TASOR: variants seen among roughly 807,000 people sequenced by gnomAD.
The protein encoded by TASOR is protein TASOR.
Under a neutral mutation model 178.6 loss-of-function variants are expected in TASOR, and 53 were observed. The observed-to-expected ratio is 0.30, with a 90% CI of 0.24 to 0.37. The LOEUF is 0.37. Ranked by LOEUF, TASOR falls within the 10% of genes least tolerant of loss-of-function variation. The pLI is 1.00. For synonymous variants in TASOR, 713 were observed against 696.2 expected (o/e 1.02, Z -0.38); for missense variants, 1,815 against 1,971.4 (o/e 0.92, Z 1.50).
chr3:56,661,069 G>T, intron 9 of TASOR, 52 bp from the exon 10 acceptor site: 2 of 1,247,106 alleles, frequency 1.6e-6, no homozygotes, highest in Admixed American at 2.0e-5. Flanking sequence ...TTCAACTCTA[G>T]CAATCTTAAC....
intron 17 of TASOR, among the ~76,000 whole-genome samples, chr3:56,637,490 C>T (rs762763751): frequency 4.0e-5 from 6 of 151,788 alleles, no homozygotes; most frequent in Non-Finnish European, 8.8e-5. Context: ...CATTGCACTC[C>T]AGCCTGGGTG....
At chr3:56,640,241 G>A (rs2077094570) in intron 15 of TASOR, 111 bp from the exon 16 acceptor site, 1 of 884,516 alleles carries the variant, frequency 1.1e-6, no homozygotes, top group East Asian at 2.7e-5. Flanking sequence ...CATTACAAAT[G>A]CGTAAAATCA....
chr3:56,625,857 T>C (rs948475374), intron 21 of TASOR, among the ~76,000 whole-genome samples: 5 of 151,974 alleles, frequency 3.3e-5, no homozygotes, highest in Admixed American at 2.0e-4. Flanking sequence ...CTCCTGACCT[T>C]GTGATCCACC....
intron 11 of TASOR, 74 bp from the exon 12 acceptor site, chr3:56,649,131 TCTA>T: frequency 5.4e-6 from 6 of 1,106,150 alleles, no homozygotes; most frequent in Admixed American, 2.8e-5. Flanking sequence ...CACAGCATTT[TCTA>T]CTAATTGTAA....
intron 15 of TASOR, 132 bp downstream of exon 15, chr3:56,641,217 A>G: frequency 1.3e-6 from 1 of 799,698 alleles, no homozygotes; most frequent in African/African-American, 1.7e-5. Flanking sequence ...ACCATCCTAG[A>G]CAGGCACCTT....
intron 18 of TASOR, among the ~76,000 whole-genome samples, chr3:56,632,432 G>A (rs977910693): frequency 7.3e-5 from 11 of 151,632 alleles, no homozygotes; most frequent in Admixed American, 4.6e-4. Context: ...CCGAGATCAC[G>A]CCACTGCACT....
chr3:56,657,143 C>T (rs1396233222), intron 11 of TASOR, among the ~76,000 whole-genome samples: 1 of 151,938 alleles, frequency 6.6e-6, no homozygotes, highest in African/African-American at 2.4e-5. Context: ...GCCTGGCCTA[C>T]ATGGTGAAAC....
intron 11 of TASOR, among the ~76,000 whole-genome samples, chr3:56,650,098 T>G (rs2077319180): frequency 6.6e-6 from 1 of 152,168 alleles, no homozygotes; most frequent in Non-Finnish European, 1.5e-5. Flanking sequence ...AGAATTTATT[T>G]CAGGGGCTAC....
intron 17 of TASOR, among the ~76,000 whole-genome samples, chr3:56,634,982 T>C (rs75830054): frequency 0.19 from 28,174 of 152,182 alleles, 3,435 homozygotes; most frequent in South Asian, 0.41. Context: ...CGCTAAAAAA[T>C]TACTGTTTTT....
chr3:56,669,915 A>G (rs1429663890), intron 4 of TASOR, 124 bp from the exon 5 acceptor site: 3 of 892,596 alleles, frequency 3.4e-6, no homozygotes, highest in African/African-American at 3.4e-5. Context: ...GAAACAAAAG[A>G]TAAAACTGAT....
At chr3:56,625,355 C>A (rs746487910) in intron 21 of TASOR, among the ~76,000 whole-genome samples, 8 of 152,150 alleles carry the variant, frequency 5.3e-5, no homozygotes, top group African/African-American at 9.7e-5. Context: ...CTTCAAAAAA[C>A]ACAATATATG....
chr3:56,656,077 A>G (rs2077462172), intron 11 of TASOR, among the ~76,000 whole-genome samples: 1 of 152,226 alleles, frequency 6.6e-6, no homozygotes. Context: ...AAACTACAGA[A>G]AGCAAAACCA....
At chr3:56,678,177 A>ATTTTTTTTT (rs533306611) in intron 1 of TASOR, among the ~76,000 whole-genome samples, 30 of 106,954 alleles carry the variant, frequency 2.8e-4, no homozygotes, top group East Asian at 5.9e-4. Context: ...CACACTTATG[A>ATTTTTTTTT]TTTTTTTTTT....
chr3:56,648,524 A>T (rs559194301), intron 13 of TASOR, among the ~76,000 whole-genome samples: 1 of 150,732 alleles, frequency 6.6e-6, no homozygotes, highest in African/African-American at 2.4e-5. Context: ...CCAGCTACTC[A>T]GGAGGCTGAG....
chr3:56,656,630 A>C (rs891102536), intron 11 of TASOR, among the ~76,000 whole-genome samples: 1 of 152,060 alleles, frequency 6.6e-6, no homozygotes, highest in African/African-American at 2.4e-5. Flanking sequence ...ACTATTTACA[A>C]AAGCATCAAA....
rs563723117 is a variant in TASOR, at chr3:56,621,893, T to C, written c.*1144A>G. On this transcript the variant is annotated 3_prime_UTR_variant, in exon 24 of 24. Coordinates refer to ENST00000683822, the MANE Select transcript of TASOR (RefSeq NM_001365635.2). The stretch of plus-strand genomic sequence containing the variant: ...ATTGAAGCCCTATAAAAACACTTTC[T>C]ACTTACCTTAATATAGTCTGGCGTT... The C allele has an allele frequency of 5.2e-6, 1 of 193,708 alleles. No individual in the cohort carries two copies. Among genetic ancestry groups the C allele is most frequent in the African/African-American group, 2.3e-5 (1 of 42,786 alleles). 12.0% of individuals were successfully genotyped at this position (193,708 alleles called of 1,614,324 possible). A position where few individuals can be genotyped will look rare whatever the true frequency, so the allele number is the denominator to read the frequency against.
At chr3:56,644,535 G>T (rs182435033) in intron 14 of TASOR, among the ~76,000 whole-genome samples, 14 of 152,334 alleles carry the variant, frequency 9.2e-5, no homozygotes, top group African/African-American at 2.9e-4. Context: ...GGCAGAGAGA[G>T]ATGACCCTTA....
At chr3:56,623,884 T>C (rs965032658) in intron 23 of TASOR, 13 of 1,503,862 alleles carry the variant, frequency 8.6e-6, no homozygotes, top group African/African-American at 4.2e-5. Flanking sequence ...AAGACAAATA[T>C]AAAATAAAAT....
intron 1 of TASOR, among the ~76,000 whole-genome samples, chr3:56,676,801 G>A (rs1441213280): frequency 6.6e-6 from 1 of 151,998 alleles, no homozygotes; most frequent in Non-Finnish European, 1.5e-5. Flanking sequence ...TATTCTCAAA[G>A]TACTTAACAT....
Sources: allele counts gnomAD v4.1 joint callset (sites outside exome capture counted in the v4.1 genomes callset), GRCh38; gene constraint gnomAD v4.1.1; transcripts MANE v1.5; gene names NCBI Gene and HGNC (gene_info 2026-07-23, HGNC 2026-07-21).